The following AGO2 variants were observed in gnomAD, a reference collection of about 807,000 sequenced individuals.
The protein encoded by AGO2 is argonaute RISC catalytic component 2, also known as protein argonaute-2.
In AGO2, 5 loss-of-function variants were observed where a neutral mutation model predicts 102.3. The observed-to-expected ratio is 0.05, with a 90% CI of 0.03 to 0.10. The LOEUF (loss-of-function observed/expected upper bound fraction) is 0.10. AGO2 is among the 10% of genes least tolerant of loss of function. The pLI, the probability that AGO2 is intolerant of heterozygous loss-of-function variation, is 1.00. For missense variants in AGO2, 541 were observed against 1,183.7 expected, an observed-to-expected ratio of 0.46 and a Z score of 7.97; for synonymous variants, 449 against 473.1, an observed-to-expected ratio of 0.95 and a Z score of 0.66.
intron 13 of AGO2, 119 bp downstream of exon 13, chr8:140,547,349 C>T (rs1472005591): frequency 2.8e-5 from 36 of 1,291,838 alleles, no homozygotes; most frequent in East Asian, 4.9e-5. Context: ...GTGGCCAGGA[C>T]GGTGCTGGGC....
chr8:140,569,195 C>G (rs1047795581), intron 3 of AGO2, among the ~76,000 whole-genome samples: 5 of 152,244 alleles, frequency 3.3e-5, no homozygotes, highest in Non-Finnish European at 2.9e-5. Flanking sequence ...GCAGGAGTGC[C>G]GAACTACCAT....
At chr8:140,586,435 G>A (rs180843716) in intron 1 of AGO2, among the ~76,000 whole-genome samples, 48 of 152,310 alleles carry the variant, frequency 3.2e-4, no homozygotes, top group Middle Eastern at 3.4e-3. Flanking sequence ...GCAGTGAGCC[G>A]AGATCATGCC....
At chr8:140,544,866 C>T (rs903683762) in intron 13 of AGO2, among the ~76,000 whole-genome samples, 3 of 152,218 alleles carry the variant, frequency 2.0e-5, no homozygotes, top group Non-Finnish European at 4.4e-5. Flanking sequence ...GAGTATATCC[C>T]AGTGGGGACT....
intron 1 of AGO2, among the ~76,000 whole-genome samples, chr8:140,621,096 C>T (rs1400888804): frequency 1.3e-5 from 2 of 152,182 alleles, no homozygotes; most frequent in Non-Finnish European, 2.9e-5. Context: ...CCTCACGCCA[C>T]ATTTGCTCCA....
rs79449037 is a variant in AGO2 at position 140,560,983 on chromosome 8, G to A, written c.519-473C>T. Among the ~76,000 whole-genome samples, 16 of 152,358 alleles carry A rather than the reference G, an allele frequency of 1.1e-4. No homozygotes were observed. In the East Asian group the frequency reaches 2.9e-3, roughly 28 times the overall value. The stretch of plus-strand genomic sequence containing the variant: ...TTCTGGCCAGTGGCTGTCCACGCAT[G>A]ACCCAGCATCTGCCGGCTCCTTTAG... On this transcript the variant is annotated intron_variant, in intron 4 of 18. Coordinates refer to ENST00000220592, the MANE Select transcript of AGO2 (RefSeq NM_012154.5).
In AGO2 at chr8:140,541,231, G is replaced by C; in HGVS notation, c.1967C>G (p.Ser656Cys). 1 of 1,609,904 alleles carries C rather than the reference G, an allele frequency of 6.2e-7. No homozygotes were observed. The highest frequency in any genetic ancestry group is 8.5e-7 in the Non-Finnish European group (1 of 1,178,330). ...VRELLIQFYKSTRFKPTRIIF... is the reference protein window; with the variant it reads ...VRELLIQFYKCTRFKPTRIIF... ...GATGCGGGTGGGCTTGAAGCGCGTG[G>C]ACTTGTAGAACTGGATGAGGAGCTC... Residue 656 changes from serine (S) to cysteine (C), a missense_variant, in exon 15 of 19, where the codon TCC becomes TGC. By Grantham distance (112) the Ser-to-Cys change is moderately radical. Around this residue, in one of 6 missense-constraint regions of AGO2, gnomAD observed 309 missense variants for 735.1 expected, o/e 0.42. Coordinates refer to ENST00000220592, the MANE Select transcript of AGO2 (RefSeq NM_012154.5).
chr8:140,568,113 AAAAAAAAAAAAG>A (rs2073319296), intron 3 of AGO2, among the ~76,000 whole-genome samples: 2 of 149,888 alleles, frequency 1.3e-5, no homozygotes, highest in Admixed American at 1.3e-4. Context: ...CAAAAAAAAA[AAAAAAAAAAAAG>A]AAAAGAAAAT....
intron 2 of AGO2, among the ~76,000 whole-genome samples, chr8:140,577,814 C>T (rs138029903): frequency 6.6e-6 from 1 of 152,348 alleles, no homozygotes; most frequent in Non-Finnish European, 1.5e-5. Flanking sequence ...TCTGGATGAA[C>T]ATTCACTGTT....
At chr8:140,622,170 T>C (rs1256505214) in intron 1 of AGO2, among the ~76,000 whole-genome samples, 2 of 152,178 alleles carry the variant, frequency 1.3e-5, no homozygotes, top group African/African-American at 4.8e-5. Flanking sequence ...CTATAGAACA[T>C]ACTCGGAACA....
intron 1 of AGO2, among the ~76,000 whole-genome samples, chr8:140,603,703 C>T (rs1332859745): frequency 6.6e-6 from 1 of 152,204 alleles, no homozygotes; most frequent in Non-Finnish European, 1.5e-5. Flanking sequence ...TGTCTGAGCT[C>T]CACTGGGGCC....
intron 4 of AGO2, 59 bp downstream of exon 4, chr8:140,562,394 G>T: frequency 6.4e-7 from 1 of 1,553,994 alleles, no homozygotes; most frequent in South Asian, 1.2e-5. Flanking sequence ...CAGACCCTGC[G>T]GGGGGCCCTC....
chr8:140,522,055 A>G lies in AGO2; in HGVS notation c.*9989T>C, dbSNP rs1050377423. 4 of 152,046 alleles carry G rather than the reference A, an allele frequency of 2.6e-5. No individual in the cohort carries two copies. The highest frequency in any genetic ancestry group is 9.7e-5 in the African/African-American group (4 of 41,382). The allele number at this position is 152,046 out of a possible 1,614,324, so 9.4% of individuals were successfully genotyped here. A position where few individuals can be genotyped will look rare whatever the true frequency, so the allele number is the denominator to read the frequency against. ...AGTCGGGATTATAATACACTGTAGC[A>G]GTTGGCTGGGGAAAAGTCTATCAAA... On this transcript the variant is annotated 3_prime_UTR_variant, in exon 19 of 19. Transcript: ENST00000220592.
intron 1 of AGO2, among the ~76,000 whole-genome samples, chr8:140,608,719 T>C (rs1429890083): frequency 1.3e-5 from 2 of 152,216 alleles, no homozygotes; most frequent in Non-Finnish European, 2.9e-5. Context: ...TTGGGGCCAC[T>C]GATCCAGCAC....
chr8:140,642,051 A>G, the AGO2 span, among the ~76,000 whole-genome samples: 6 of 150,906 alleles, frequency 4.0e-5, no homozygotes, highest in African/African-American at 1.5e-4. Flanking sequence ...GACTAAAAAA[A>G]AGAAAAAGGA....
At chr8:140,583,580 T>C (rs1313056471) in intron 2 of AGO2, among the ~76,000 whole-genome samples, 1 of 152,150 alleles carries the variant, frequency 6.6e-6, no homozygotes, top group Admixed American at 6.5e-5. Flanking sequence ...TGTGTACATC[T>C]ACATATACCT....
chr8:140,602,594 C>T (rs922319251), intron 1 of AGO2, among the ~76,000 whole-genome samples: 4 of 152,200 alleles, frequency 2.6e-5, no homozygotes, highest in African/African-American at 9.6e-5. Context: ...TGCAGCCCAT[C>T]CCTGTGGCTC....
In AGO2 at chr8:140,529,065, C is replaced by T. The variant is rs2072547938; in HGVS notation, c.*2979G>A. 6.6e-6 allele frequency: 1 copy of T among 152,214 alleles called. No homozygotes were observed. Among genetic ancestry groups the T allele is most frequent in the African/African-American group, 2.4e-5 (1 of 41,448 alleles). The allele number at this position is 152,214 out of a possible 1,614,324, so 9.4% of individuals were successfully genotyped here. A position where few individuals can be genotyped will look rare whatever the true frequency, so the allele number is the denominator to read the frequency against. On this transcript the variant is annotated 3_prime_UTR_variant, in exon 19 of 19. Transcript: ENST00000220592. ...ATAAAATCCCAGTTTTTCTTTTAAA[C>T]AAACCCAGACTTCTACACATAATTT... is the stretch of plus-strand genomic sequence containing the variant.
At chr8:140,595,741 TATTATATATA>T (rs2133039310) in intron 1 of AGO2, among the ~76,000 whole-genome samples, 1 of 51,342 alleles carries the variant, frequency 1.9e-5, no homozygotes, top group South Asian at 5.4e-4. Context: ...AAATGTTATA[TATTATATATA>T]ATTGTATATA....
At chr8:140,571,057 C>T (rs1469761334) in intron 3 of AGO2, among the ~76,000 whole-genome samples, 1 of 152,236 alleles carries the variant, frequency 6.6e-6, no homozygotes, top group African/African-American at 2.4e-5. Context: ...TTCAGCTCCA[C>T]AGCACACTAG....
Sources: allele counts gnomAD v4.1 joint callset (sites outside exome capture counted in the v4.1 genomes callset), GRCh38; gene constraint gnomAD v4.1.1; regional missense constraint gnomAD v4.1.1; transcripts MANE v1.5; gene names NCBI Gene and HGNC (gene_info 2026-07-23, HGNC 2026-07-21).